Variants in MYBL2 observed in about 807,000 individuals in gnomAD.
MYBL2 encodes the protein MYB proto-oncogene like 2, also known as myb-related protein B.
A neutral mutation model predicts 79.9 loss-of-function variants in MYBL2; 28 were observed. The ratio of observed to expected loss-of-function variants is 0.35; its 90% CI spans 0.26 to 0.48. MYBL2 has a LOEUF of 0.48. MYBL2 is among the 20% of genes least tolerant of loss of function. The pLI is 0.99. For synonymous variants in MYBL2, 378 were observed against 361.2 expected (o/e 1.05, Z -0.53); for missense variants, 735 against 893.9 (o/e 0.82, Z 2.27).
At chr20:43,698,551 G>A (rs1987609729) in intron 6 of MYBL2, among the ~76,000 whole-genome samples, 1 of 149,366 alleles carries the variant, frequency 6.7e-6, no homozygotes, top group Non-Finnish European at 1.5e-5. Context: ...CTAATTTTTT[G>A]TATTTTTAGT....
intron 2 of MYBL2, among the ~76,000 whole-genome samples, chr20:43,678,937 C>T (rs1600544683): frequency 6.7e-6 from 1 of 149,776 alleles, no homozygotes; most frequent in Non-Finnish European, 1.5e-5. Context: ...TGGGAGAGGG[C>T]GCTGTGCCAG....
At chr20:43,674,234 C>CT (rs1555809925) in intron 2 of MYBL2, among the ~76,000 whole-genome samples, 4,617 of 72,370 alleles carry the variant, frequency 0.064, 457 homozygotes, top group African/African-American at 0.091. Flanking sequence ...TCCCCCCACC[C>CT]TTTTTTTTTT....
intron 8 of MYBL2, among the ~76,000 whole-genome samples, chr20:43,703,461 G>GA (rs1441182720): frequency 6.6e-6 from 1 of 152,220 alleles, no homozygotes; most frequent in Admixed American, 6.5e-5. Context: ...AGAGCCTCGG[G>GA]AGCCGGGATG....
chr20:43,710,570 A>T (rs1159907672), intron 10 of MYBL2, among the ~76,000 whole-genome samples: 3 of 152,154 alleles, frequency 2.0e-5, no homozygotes, highest in Non-Finnish European at 4.4e-5. Context: ...AGGAGTTGGC[A>T]CCTTGGGCTT....
intron 6 of MYBL2, among the ~76,000 whole-genome samples, chr20:43,696,411 G>A (rs1987542732): frequency 7.4e-6 from 1 of 135,448 alleles, no homozygotes. Context: ...TGGCTAATTG[G>A]GGTTTCTCCA....
chr20:43,715,369 C>T (rs1988008658), intron 13 of MYBL2, 86 bp downstream of exon 13: 1 of 1,578,532 alleles, frequency 6.3e-7, no homozygotes, highest in Non-Finnish European at 8.6e-7. Context: ...GGGGGTCCTG[C>T]AGTGCCCGCC....
At chr20:43,671,907 G>A (rs1255977286) in intron 1 of MYBL2, among the ~76,000 whole-genome samples, 1 of 151,126 alleles carries the variant, frequency 6.6e-6, no homozygotes, top group East Asian at 2.0e-4. Context: ...CTACAGCGGC[G>A]TTAGAAGATA....
Position 43,699,865 on chromosome 20 carries a change from G to A in MYBL2, c.772G>A (p.Gly258Ser), listed in dbSNP as rs757103078. Residue 258 changes from glycine to serine, a missense_variant, in exon 7 of 14, where the codon GGT becomes AGT. Physicochemically the swap from Gly to Ser is moderately conservative, Grantham distance 56 (BLOSUM62 0). This residue lies in a region of MYBL2 where 144 missense variants were observed against 131.9 expected (regional missense o/e 1.09). Transcript: ENST00000217026. ...CACATCGAAGGAACAGGAGCCCATCGGTACAGATCTGGACGCAGTGCGAAC... is the reference window on the plus strand; with the variant it reads ...CACATCGAAGGAACAGGAGCCCATCAGTACAGATCTGGACGCAGTGCGAAC... ...ATTSKEQEPI[G>S]TDLDAVRTPE... 8.7e-6 allele frequency: 14 copies of A among 1,613,952 alleles called. 1 individual carries two copies. The South Asian group carries it at 8.8e-5, about 10-fold the overall frequency.
intron 4 of MYBL2, among the ~76,000 whole-genome samples, chr20:43,684,069 C>T (rs984935340): frequency 6.6e-6 from 1 of 151,964 alleles, no homozygotes; most frequent in Non-Finnish European, 1.5e-5. Flanking sequence ...GCTGGTGCCA[C>T]ATGTGCCACC....
In MYBL2 at chr20:43,705,216, C is replaced by T. The variant is rs1987753530; in HGVS notation, c.1366-3C>T. 2.5e-6 allele frequency: 4 copies of T among 1,613,448 alleles called. No individual in the cohort carries two copies. The highest frequency in any genetic ancestry group is 3.4e-6 in the Non-Finnish European group (4 of 1,179,706). On this transcript the variant is annotated splice_region_variant and splice_polypyrimidine_tract_variant and intron_variant, in intron 8 of 13. Transcript: ENST00000217026. ...GTCTTGTTCCCTCTCTCTTCTTTGG[C>T]AGTTTCTGAACTTCTGGAACAAACA...
At position 43,702,824 on chromosome 20, in the gene MYBL2, G is replaced by A. The variant is rs1987704529; in HGVS notation, c.1286G>A (p.Ser429Asn). The A allele has an allele frequency of 6.2e-7, 1 of 1,613,906 alleles. No individual in the cohort carries two copies. Among genetic ancestry groups the A allele is most frequent in the Non-Finnish European group, 8.5e-7 (1 of 1,179,868 alleles). The stretch of plus-strand genomic sequence containing the variant: ...TCCCCTGTCACTGAGAATAGCACCA[G>A]TCTGTCCTTCCTGGATTCCTGTAAC... Reference protein sequence around the residue: ...ALSPVTENSTSLSFLDSCNSL... With the variant: ...ALSPVTENSTNLSFLDSCNSL... Residue 429 changes from serine (S) to asparagine (N), a missense_variant, in exon 8 of 14, where the codon AGT becomes AAT. By Grantham distance (46) the Ser-to-Asn change is conservative (BLOSUM62 1). Coordinates refer to ENST00000217026, the MANE Select transcript of MYBL2 (RefSeq NM_002466.4).
At chr20:43,704,139 G>A (rs549677224) in intron 8 of MYBL2, among the ~76,000 whole-genome samples, 49 of 152,150 alleles carry the variant, frequency 3.2e-4, no homozygotes, top group African/African-American at 1.1e-3. Context: ...TCAGGCTCCT[G>A]AGCAGCTGAG....
intron 5 of MYBL2, 148 bp from the exon 6 acceptor site, chr20:43,692,009 C>T: frequency 4.5e-6 from 3 of 669,428 alleles, no homozygotes; most frequent in Non-Finnish European, 7.5e-6. Context: ...TGTGAGACTT[C>T]ATCTTGGAAC....
intron 12 of MYBL2, 129 bp downstream of exon 12, chr20:43,713,235 G>A: frequency 1.8e-6 from 1 of 568,040 alleles, no homozygotes; most frequent in Non-Finnish European, 3.2e-6. Flanking sequence ...GGGAGGGTGG[G>A]TCCGGGCACC....
rs565704403 is a variant in MYBL2 at position 43,676,343 on chromosome 20, TCTTA to T, written c.114+2449_114+2452del. On this transcript the variant is annotated intron_variant, in intron 2 of 13. Transcript: ENST00000217026. The stretch of plus-strand genomic sequence containing the variant: ...TGTCCATGTGTATTCAGTGTTTGGC[TCTTA>T]CTTATAGATGAGAATATGCGGTATT... Among the ~76,000 whole-genome samples, 17 of 149,814 alleles carry T rather than the reference TCTTA, an allele frequency of 1.1e-4. 1 individual carries two copies. In the South Asian group the frequency reaches 2.2e-3, roughly 19 times the overall value.
At chr20:43,698,304 C>A (rs1987598773) in intron 6 of MYBL2, among the ~76,000 whole-genome samples, 1 of 148,936 alleles carries the variant, frequency 6.7e-6, no homozygotes, top group African/African-American at 2.5e-5. Context: ...TCTGCCTTGG[C>A]CTCCCAAAGT....
intron 6 of MYBL2, among the ~76,000 whole-genome samples, chr20:43,692,633 C>T (rs1987440488): frequency 6.6e-6 from 1 of 152,094 alleles, no homozygotes; most frequent in Admixed American, 6.6e-5. Context: ...AGCATGTTTG[C>T]AATAAAAAAA....
At chr20:43,673,439 C>G (rs937628285) in intron 1 of MYBL2, among the ~76,000 whole-genome samples, 6 of 151,798 alleles carry the variant, frequency 4.0e-5, no homozygotes, top group Admixed American at 1.3e-4. Context: ...GAGTTCAAAA[C>G]CACCCTGGGC....
chr20:43,678,504 G>A (rs1215572073), intron 2 of MYBL2, among the ~76,000 whole-genome samples: 2 of 152,074 alleles, frequency 1.3e-5, no homozygotes, highest in African/African-American at 4.8e-5. Context: ...TTAATGCAGG[G>A]AGTGATGTGA....
Sources: allele counts gnomAD v4.1 joint callset (sites outside exome capture counted in the v4.1 genomes callset), GRCh38; gene constraint gnomAD v4.1.1; regional missense constraint gnomAD v4.1.1; transcripts MANE v1.5; gene names NCBI Gene and HGNC (gene_info 2026-07-23, HGNC 2026-07-21).